Variants in ZNF536 observed in about 807,000 individuals in gnomAD.
ZNF536 encodes the protein zinc finger protein 536.
A neutral mutation model predicts 84.5 loss-of-function variants in ZNF536; 13 were observed. The ratio of observed to expected loss-of-function variants is 0.15; its 90% CI spans 0.10 to 0.24. ZNF536 has a LOEUF of 0.24. Ranked by LOEUF, ZNF536 falls within the 10% of genes least tolerant of loss-of-function variation. The pLI, the probability that ZNF536 is intolerant of heterozygous loss-of-function variation, is 1.00. For missense variants in ZNF536, 1,536 were observed against 1,747.5 expected, an observed-to-expected ratio of 0.88 and a Z score of 2.16; for synonymous variants, 811 against 742.5, an observed-to-expected ratio of 1.09 and a Z score of -1.50.
chr19:30,382,156 A>G (rs1422185760), intron 1 of ZNF536, among the ~76,000 whole-genome samples: 1 of 152,126 alleles, frequency 6.6e-6, no homozygotes, highest in East Asian at 1.9e-4. Context: ...CTGCAAAGAG[A>G]CAGCTCTGCA....
chr19:30,649,539 C>A (rs1600146294), intron 1 of ZNF536, among the ~76,000 whole-genome samples: 1 of 144,414 alleles, frequency 6.9e-6, no homozygotes, highest in Admixed American at 7.1e-5. Flanking sequence ...TTTATTAAAG[C>A]AGCATTTTCC....
chr19:30,408,784 T>C (rs1001697950), intron 1 of ZNF536, among the ~76,000 whole-genome samples: 2 of 151,348 alleles, frequency 1.3e-5, no homozygotes, highest in Non-Finnish European at 2.9e-5. Flanking sequence ...CATCTATTCA[T>C]ACATCTATCC....
intron 1 of ZNF536, among the ~76,000 whole-genome samples, chr19:30,707,086 G>A (rs1270799881): frequency 1.3e-5 from 2 of 152,052 alleles, no homozygotes; most frequent in Non-Finnish European, 2.9e-5. Flanking sequence ...CATAGCTTCG[G>A]GCCCACAGGG....
At chr19:30,302,843 G>T (rs1025125429) in intron 2 of ZNF536, among the ~76,000 whole-genome samples, 8 of 152,058 alleles carry the variant, frequency 5.3e-5, no homozygotes, top group Non-Finnish European at 7.4e-5. Context: ...TGCAGCAGAC[G>T]CAGTGCACCA....
exon 2 of ZNF536, chr19:30,711,754 T>A (rs959225858): frequency 7.2e-5 from 11 of 152,272 alleles, no homozygotes; most frequent in African/African-American, 2.4e-4. Flanking sequence ...TAGCCTTTTC[T>A]TCTTTTTTAA....
intron 1 of ZNF536, among the ~76,000 whole-genome samples, chr19:30,243,077 A>G (rs1438775120): frequency 6.6e-6 from 1 of 152,216 alleles, no homozygotes; most frequent in Non-Finnish European, 1.5e-5. Flanking sequence ...CTTTTATTAC[A>G]CTTTTGGAAA....
intron 1 of ZNF536, among the ~76,000 whole-genome samples, chr19:30,683,804 C>T (rs2051068898): frequency 6.6e-6 from 1 of 152,242 alleles, no homozygotes. Flanking sequence ...CACTCCACTT[C>T]ATCCCATTCT....
intron 2 of ZNF536, among the ~76,000 whole-genome samples, chr19:30,302,007 A>G (rs1197949094): frequency 6.6e-6 from 1 of 152,206 alleles, no homozygotes; most frequent in Non-Finnish European, 1.5e-5. Context: ...AGATACTTTC[A>G]TAGAGATGAT....
chr19:30,588,870 AT>A (rs1024390888), intron 1 of ZNF536, among the ~76,000 whole-genome samples: 1 of 152,188 alleles, frequency 6.6e-6, no homozygotes, highest in African/African-American at 2.4e-5. Flanking sequence ...AGAATTAGTT[AT>A]TTTTTTAAGT....
chr19:30,428,846 G>A (rs148165191), intron 1 of ZNF536, among the ~76,000 whole-genome samples: 1 of 152,298 alleles, frequency 6.6e-6, no homozygotes, highest in East Asian at 1.9e-4. Flanking sequence ...TTCAGCATCA[G>A]CAAAGTTCAA....
chr19:30,548,087 A>G lies in ZNF536; in HGVS notation c.2468A>G (p.Asp823Gly), dbSNP rs2045624047. The G allele has an allele frequency of 2.5e-6, 4 of 1,614,142 alleles. No homozygotes were observed. Among genetic ancestry groups the G allele is most frequent in the Non-Finnish European group, 3.4e-6 (4 of 1,180,016 alleles). ...CAACCCCCAAATCAAGACCACAAGG[A>G]TGAGATGTCAAGCAAAGCTTCTCTG... is the stretch of plus-strand genomic sequence containing the variant. Reference protein sequence around the residue: ...SGQPPNQDHKDEMSSKASLFI... With the variant: ...SGQPPNQDHKGEMSSKASLFI... Residue 823 changes from aspartate (D) to glycine (G), a missense_variant, in exon 4 of 5, where the codon GAT becomes GGT. Physicochemically the swap from Asp to Gly is moderately conservative, Grantham distance 94. Coordinates refer to ENST00000355537, the MANE Select transcript of ZNF536 (RefSeq NM_014717.3).
chr19:30,518,385 T>C (rs1313273916), intron 2 of ZNF536, among the ~76,000 whole-genome samples: 1 of 152,236 alleles, frequency 6.6e-6, no homozygotes, highest in Non-Finnish European at 1.5e-5. Context: ...CACACTGCTG[T>C]GTTGGATCTC....
chr19:30,558,328 G>A (rs1056467038), downstream of ZNF536, among the ~76,000 whole-genome samples: 2 of 152,134 alleles, frequency 1.3e-5, no homozygotes, highest in Non-Finnish European at 1.5e-5. Flanking sequence ...ACACGGGCCC[G>A]TTTCTCTGTA....
intron 1 of ZNF536, among the ~76,000 whole-genome samples, chr19:30,563,794 G>A (rs998032367): frequency 3.3e-5 from 5 of 152,192 alleles, no homozygotes; most frequent in Non-Finnish European, 7.4e-5. Context: ...AGAGGTGCTG[G>A]GCGTGACGGA....
intron 1 of ZNF536, among the ~76,000 whole-genome samples, chr19:30,650,224 A>T (rs73924670): frequency 2.4e-4 from 37 of 152,154 alleles, no homozygotes; most frequent in African/African-American, 8.9e-4. Context: ...CTTCAAAGGG[A>T]TGATCTGCAA....
chr19:30,435,780 C>T (rs1168256096), intron 1 of ZNF536, among the ~76,000 whole-genome samples: 1 of 152,144 alleles, frequency 6.6e-6, no homozygotes. Flanking sequence ...GTCTTCTCTA[C>T]TCAGAGAAGA....
chr19:30,472,088 C>T (rs780074609), intron 2 of ZNF536, among the ~76,000 whole-genome samples: 2 of 152,208 alleles, frequency 1.3e-5, no homozygotes, highest in African/African-American at 2.4e-5. Flanking sequence ...TGCATACCTG[C>T]GGAAGCAGAG....
At chr19:30,373,112 A>G (rs1454334449) in intron 1 of ZNF536, among the ~76,000 whole-genome samples, 2 of 152,182 alleles carry the variant, frequency 1.3e-5, no homozygotes, top group African/African-American at 4.8e-5. Flanking sequence ...AGAGAAATCA[A>G]ATTGTCTGGC....
chr19:30,368,235 G>A (rs142702383), upstream of ZNF536, among the ~76,000 whole-genome samples: 1,023 of 152,322 alleles, frequency 6.7e-3, 20 homozygotes, highest in Non-Finnish European at 6.1e-3. Context: ...GGTGGGGCCC[G>A]AAACACAAGT....
Sources: gnomAD v4.1 joint callset for allele counts (sites outside exome capture counted in the v4.1 genomes callset) on GRCh38, gnomAD v4.1.1 for gene constraint, MANE v1.5 for transcripts, NCBI Gene and HGNC (gene_info 2026-07-23, HGNC 2026-07-21) for gene names.